PDZD2: variants seen among roughly 807,000 people sequenced by gnomAD.
The protein encoded by PDZD2 is PDZ domain containing 2, also known as PDZ domain-containing protein 2.
In PDZD2, 90 loss-of-function variants were observed where a neutral mutation model predicts 220.7. That is an observed-to-expected ratio of 0.41 (90% CI 0.34 to 0.49). The LOEUF (loss-of-function observed/expected upper bound fraction) is 0.49, where lower values mean the gene tolerates loss of function less well. PDZD2 is among the 20% of genes least tolerant of loss of function. The probability of loss-of-function intolerance (pLI) is 0.28; values close to 1 mark genes in which losing one functional copy is unlikely to be tolerated. For missense variants in PDZD2, 3,174 were observed against 3,608.5 expected, an observed-to-expected ratio of 0.88 and a Z score of 3.08; for synonymous variants, 1,375 against 1,450.5, an observed-to-expected ratio of 0.95 and a Z score of 1.18.
At chr5:31,721,085 G>A (rs1051902865) in intron 1 of PDZD2, among the ~76,000 whole-genome samples, 1 of 152,160 alleles carries the variant, frequency 6.6e-6, no homozygotes, top group Non-Finnish European at 1.5e-5. Context: ...CCCCAACAGT[G>A]AAGACCAGTA....
intron 1 of PDZD2, among the ~76,000 whole-genome samples, chr5:31,736,623 G>A (rs1249515652): frequency 6.6e-6 from 1 of 152,162 alleles, no homozygotes; most frequent in Non-Finnish European, 1.5e-5. Flanking sequence ...TTTTATTGGC[G>A]AGGGGAAGTG....
At chr5:32,021,055 G>T (rs1029250124) in intron 6 of PDZD2, among the ~76,000 whole-genome samples, 2 of 135,398 alleles carry the variant, frequency 1.5e-5, no homozygotes, top group African/African-American at 3.1e-5. Context: ...TGAAGACTTG[G>T]AATTTTTTTT....
chr5:31,875,238 A>G lies in PDZD2; in HGVS notation c.476+75514A>G, dbSNP rs537291626. Among the ~76,000 whole-genome samples, 8 of 152,278 alleles carry G rather than the reference A, an allele frequency of 5.3e-5. No homozygotes were observed. The South Asian group carries it at 1.0e-3, about 20-fold the overall frequency. ...CTTTTTTGGCTTTCATGTGGAAAATATATAATTAGATCTTCCCTCTGAAGG... is the reference window on the plus strand; with the variant it reads ...CTTTTTTGGCTTTCATGTGGAAAATGTATAATTAGATCTTCCCTCTGAAGG... On this transcript the variant is annotated intron_variant, in intron 2 of 24. Coordinates refer to ENST00000438447, the MANE Select transcript of PDZD2 (RefSeq NM_178140.4).
chr5:31,756,761 C>T (rs899357962), intron 1 of PDZD2, among the ~76,000 whole-genome samples: 3 of 152,218 alleles, frequency 2.0e-5, no homozygotes, highest in African/African-American at 7.2e-5. Flanking sequence ...CCACTGGACA[C>T]CTGCACTGCC....
chr5:31,642,837 C>T (rs1471791707), intron 1 of PDZD2, among the ~76,000 whole-genome samples: 2 of 152,094 alleles, frequency 1.3e-5, no homozygotes, highest in East Asian at 3.9e-4. Context: ...GGGGTCACTT[C>T]GTGAAGCTGG....
chr5:32,095,841 C>T lies in PDZD2; in HGVS notation c.7846-1438C>T, dbSNP rs189646683. Among the ~76,000 whole-genome samples the T allele has an allele frequency of 8.3e-3, 1,252 of 150,456 alleles. 20 individuals carry two copies. The highest frequency in any genetic ancestry group is 0.029 in the African/African-American group (1,184 of 40,900). Reference sequence around the variant, plus strand: ...CTGCAAGCTCCACCTCCTGGGTTCACGCCATTCTCCTGCCTCAGCCTCCCG... The same window carrying T: ...CTGCAAGCTCCACCTCCTGGGTTCATGCCATTCTCCTGCCTCAGCCTCCCG... On this transcript the variant is annotated intron_variant, in intron 21 of 24. Transcript: ENST00000438447.
rs1561545899 is a variant in PDZD2 at position 31,891,127 on chromosome 5, C to CATTT, written c.476+91403_476+91404insATTT. 2.1e-5 allele frequency among the ~76,000 whole-genome samples: 2 copies of CATTT among 96,420 alleles called. 1 individual carries two copies. The allele number at this position is 96,420 out of a possible 152,430, so 63.3% of individuals were successfully genotyped here. A position where few individuals can be genotyped will look rare whatever the true frequency, so the allele number is the denominator to read the frequency against. On this transcript the variant is annotated intron_variant, in intron 2 of 24. Coordinates refer to ENST00000438447, the MANE Select transcript of PDZD2 (RefSeq NM_178140.4). ...TGTAAGCAAAGCTCAGGGGTTTTTCCTTTTTTTTTTTTTTTTTTTTTTTTT... is the reference window on the plus strand; with the variant it reads ...TGTAAGCAAAGCTCAGGGGTTTTTCCATTTTTTTTTTTTTTTTTTTTTTTTTTTT...
In PDZD2 at chr5:31,922,760, G is replaced by A. The variant is rs576935989; in HGVS notation, c.477-60395G>A. On this transcript the variant is annotated intron_variant, in intron 2 of 24. Coordinates refer to ENST00000438447, the MANE Select transcript of PDZD2 (RefSeq NM_178140.4). ...CTGGGTTTGCTGTAACCTCTGCCCC[G>A]CCCCCCCCTCCGGGCTCAAGTGACT... Among the ~76,000 whole-genome samples, 390 of 151,426 alleles carry A rather than the reference G, an allele frequency of 2.6e-3. 2 individuals are homozygous for A. The highest frequency in any genetic ancestry group is 8.3e-3 in the African/African-American group (344 of 41,328).
chr5:32,001,470 G>A (rs913743284), intron 5 of PDZD2, among the ~76,000 whole-genome samples: 2 of 152,294 alleles, frequency 1.3e-5, no homozygotes, highest in Admixed American at 6.5e-5. Flanking sequence ...GGCCACTACC[G>A]TCTTGCAGAG....
At chr5:32,022,791 A>G (rs1370731777) in intron 6 of PDZD2, among the ~76,000 whole-genome samples, 1 of 152,174 alleles carries the variant, frequency 6.6e-6, no homozygotes. Context: ...CCATGCTTCT[A>G]GTTTCAGACT....
intron 2 of PDZD2, among the ~76,000 whole-genome samples, chr5:31,920,489 T>G (rs1744134668): frequency 8.1e-6 from 1 of 123,746 alleles, no homozygotes; most frequent in Admixed American, 9.1e-5. Context: ...TAGGGTTCGC[T>G]CTTGGTGTTA....
intron 2 of PDZD2, among the ~76,000 whole-genome samples, chr5:31,842,723 G>A (rs10472786): frequency 0.32 from 48,258 of 152,006 alleles, 8,064 homozygotes; most frequent in African/African-American, 0.42. Context: ...TACTAACAAT[G>A]TGACAGGAGT....
chr5:31,799,661 T>C lies in PDZD2; in HGVS notation c.413T>C (p.Leu138Pro). 1 of 1,614,108 alleles carries C rather than the reference T, an allele frequency of 6.2e-7. No homozygotes were observed. The highest frequency in any genetic ancestry group is 8.5e-7 in the Non-Finnish European group (1 of 1,180,028). The change falls in exon 2 of 25, where the codon CTG becomes CCG. Residue 138 changes from leucine (L) to proline (P), a missense_variant. Leu to Pro is a moderately conservative substitution (Grantham distance 98). Coordinates refer to ENST00000438447, the MANE Select transcript of PDZD2 (RefSeq NM_178140.4). ...GCAGGGAAGAGTGGGAAGGTCCGAC[T>C]GCGGGATGAGATCCTCTCACTGAAT... ...SPAGKSGKVR[L>P]RDEILSLNGQ...
intron 1 of PDZD2, among the ~76,000 whole-genome samples, chr5:31,750,190 C>T (rs1038825687): frequency 2.9e-4 from 44 of 152,314 alleles, no homozygotes; most frequent in Middle Eastern, 3.4e-3. Flanking sequence ...CCAAATCCTA[C>T]GCTTCCAGTC....
chr5:31,853,005 C>G (rs1290098883), intron 2 of PDZD2, among the ~76,000 whole-genome samples: 1 of 152,140 alleles, frequency 6.6e-6, no homozygotes, highest in African/African-American at 2.4e-5. Context: ...GGAAAAAACA[C>G]TCAGAAAGGA....
chr5:31,689,239 T>TTGTGTGTGTGTGTGTGTG (rs70955736), intron 1 of PDZD2, among the ~76,000 whole-genome samples: 26 of 140,056 alleles, frequency 1.9e-4, no homozygotes, highest in African/African-American at 6.7e-4. Context: ...TGGCTAATGT[T>TTGTGTGTGTGTGTGTGTG]TGTGTGTGTG....
intron 2 of PDZD2, among the ~76,000 whole-genome samples, chr5:31,900,489 G>A (rs1241148946): frequency 7.3e-6 from 1 of 136,884 alleles, no homozygotes; most frequent in Non-Finnish European, 1.6e-5. Context: ...GGCTGCCCGA[G>A]GCTAGGTTTT....
intron 1 of PDZD2, among the ~76,000 whole-genome samples, chr5:31,782,707 AT>A (rs34166035): frequency 0.34 from 32,667 of 95,966 alleles, 3,939 homozygotes; most frequent in East Asian, 0.56. Context: ...ACCACTTTAG[AT>A]TTTTTTTTTT....
At chr5:31,701,509 T>C (rs1561392447) in intron 1 of PDZD2, among the ~76,000 whole-genome samples, 1 of 152,208 alleles carries the variant, frequency 6.6e-6, no homozygotes, top group Admixed American at 6.5e-5. Flanking sequence ...TCCTTTTTCC[T>C]GACCTATTCA....
Sources: allele counts gnomAD v4.1 joint callset (sites outside exome capture counted in the v4.1 genomes callset), GRCh38; gene constraint gnomAD v4.1.1; transcripts MANE v1.5; gene names NCBI Gene and HGNC (gene_info 2026-07-23, HGNC 2026-07-21).